RAD51B: variants seen among roughly 807,000 people sequenced by gnomAD.
RAD51B encodes RAD51 paralog B, also known as DNA repair protein RAD51 homolog 2.
RAD51B carries 38 observed loss-of-function variants against 42.2 expected under a neutral mutation model. The observed-to-expected ratio is 0.90, with a 90% CI of 0.70 to 1.18. The LOEUF is 1.18. Among genes scored for constraint, RAD51B ranks in the 50% most tolerant of loss-of-function variants. The probability of loss-of-function intolerance (pLI) is 0.00; values close to 1 mark genes in which losing one functional copy is unlikely to be tolerated. For missense variants in RAD51B, 373 were observed against 400.7 expected, an observed-to-expected ratio of 0.93 and a Z score of 0.59; for synonymous variants, 154 against 145.2, an observed-to-expected ratio of 1.06 and a Z score of -0.43.
At chr14:68,674,148 T>C (rs1029913962) in intron 11 of RAD51B, among the ~76,000 whole-genome samples, 1 of 151,502 alleles carries the variant, frequency 6.6e-6, no homozygotes, top group African/African-American at 2.4e-5. Flanking sequence ...TATACAATAC[T>C]GTACACACAT....
At chr14:68,588,111 T>G (rs11623543) in intron 10 of RAD51B, among the ~76,000 whole-genome samples, 1 of 152,014 alleles carries the variant, frequency 6.6e-6, no homozygotes, top group South Asian at 2.1e-4. Flanking sequence ...AAAGAACATA[T>G]GGGTGCGTTC....
At chr14:68,335,832 C>G (rs1215539606) in intron 8 of RAD51B, among the ~76,000 whole-genome samples, 1 of 152,072 alleles carries the variant, frequency 6.6e-6, no homozygotes, top group Non-Finnish European at 1.5e-5. Flanking sequence ...AGGCACCCAC[C>G]ATGGGTTTGG....
At chr14:68,470,407 C>CA (rs1300927433) in intron 10 of RAD51B, 2 of 441,998 alleles carry the variant, frequency 4.5e-6, no homozygotes, top group African/African-American at 4.1e-5. Context: ...TTTGGGAAAA[C>CA]AAAAAATGCA....
intron 10 of RAD51B, among the ~76,000 whole-genome samples, chr14:68,620,029 G>A (rs984806729): frequency 2.0e-5 from 3 of 152,100 alleles, no homozygotes; most frequent in African/African-American, 4.8e-5. Context: ...CCACTACCCC[G>A]GGGTTAGCCT....
intron 7 of RAD51B, among the ~76,000 whole-genome samples, chr14:67,979,469 C>T (rs1487958332): frequency 6.6e-6 from 1 of 152,140 alleles, no homozygotes; most frequent in East Asian, 1.9e-4. Flanking sequence ...CCTGATTTTC[C>T]TAATATTAGT....
intron 7 of RAD51B, among the ~76,000 whole-genome samples, chr14:68,158,701 A>C (rs1450454203): frequency 2.6e-5 from 4 of 152,216 alleles, no homozygotes; most frequent in Non-Finnish European, 5.9e-5. Context: ...ATCGTAATGA[A>C]AGAACACGGG....
chr14:67,978,389 AGTTAATCCCTCCAGCCTCTGC>A (rs35198430), intron 7 of RAD51B, among the ~76,000 whole-genome samples: 3,066 of 152,298 alleles, frequency 0.02, 39 homozygotes, highest in Non-Finnish European at 0.031. Flanking sequence ...CTGTCACCTC[AGTTAATCCCTCCAGCCTCTGC>A]GTTTTTTCCT....
intron 9 of RAD51B, among the ~76,000 whole-genome samples, chr14:68,445,883 T>C (rs2085408597): frequency 6.6e-6 from 1 of 152,168 alleles, no homozygotes; most frequent in Non-Finnish European, 1.5e-5. Context: ...TGGAAACAAA[T>C]GTGGTGTTGG....
intron 10 of RAD51B, among the ~76,000 whole-genome samples, chr14:68,531,039 G>T (rs1244310820): frequency 6.6e-6 from 1 of 151,908 alleles, no homozygotes; most frequent in East Asian, 1.9e-4. Flanking sequence ...AATTAAATGT[G>T]TATGGTAAAA....
At chr14:68,129,704 C>T (rs974707373) in intron 7 of RAD51B, among the ~76,000 whole-genome samples, 29 of 152,188 alleles carry the variant, frequency 1.9e-4, no homozygotes, top group Non-Finnish European at 3.7e-4. Context: ...GTAAAGGTTG[C>T]CTGTGCCTAC....
At chr14:67,824,650 T>A (rs2040750100) in intron 2 of RAD51B, among the ~76,000 whole-genome samples, 1 of 152,198 alleles carries the variant, frequency 6.6e-6, no homozygotes, top group South Asian at 2.1e-4. Context: ...GGTTCCTTTG[T>A]TATACATTTA....
chr14:68,080,855 C>T (rs941720602), intron 7 of RAD51B, among the ~76,000 whole-genome samples: 3 of 152,132 alleles, frequency 2.0e-5, no homozygotes, highest in Non-Finnish European at 4.4e-5. Flanking sequence ...AAACTATTAA[C>T]AGTTAAATTT....
At position 68,565,950 on chromosome 14, in the gene RAD51B, G is replaced by A. The variant is rs537820987; in HGVS notation, c.1037-28535G>A. 8.1e-4 allele frequency among the ~76,000 whole-genome samples: 123 copies of A among 152,302 alleles called. No homozygotes were observed. Among genetic ancestry groups the A allele is most frequent in the Non-Finnish European group, 1.6e-3 (106 of 68,024 alleles). The stretch of plus-strand genomic sequence containing the variant: ...ACAAGCCACTCTTGCTGAAGGAAGT[G>A]TGTCTGCTTTTATACCTTGGGTATG... On this transcript the variant is annotated intron_variant, in intron 10 of 10. Transcript: ENST00000487270. The surrounding 1 kb of genome is among the most constrained non-coding windows in gnomAD (Gnocchi z 4.1).
chr14:68,123,807 C>G (rs1430367237), intron 7 of RAD51B, among the ~76,000 whole-genome samples: 1 of 151,952 alleles, frequency 6.6e-6, no homozygotes, highest in Admixed American at 6.6e-5. Flanking sequence ...GACTCCGTCT[C>G]AAAAAAACAA....
chr14:68,171,764 TGGGGC>T (rs1566702587), intron 7 of RAD51B, among the ~76,000 whole-genome samples: 1 of 151,696 alleles, frequency 6.6e-6, no homozygotes, highest in Non-Finnish European at 1.5e-5. Context: ...TGGAGTGCAA[TGGGGC>T]GATCTCGGTT....
At chr14:68,423,796 G>T (rs1180009748) in intron 9 of RAD51B, among the ~76,000 whole-genome samples, 1 of 152,216 alleles carries the variant, frequency 6.6e-6, no homozygotes. Context: ...TGCTTTGAGA[G>T]AGCTTTTTCG....
chr14:68,483,081 G>A (rs1204410164), downstream of RAD51B, among the ~76,000 whole-genome samples: 2 of 152,112 alleles, frequency 1.3e-5, no homozygotes, highest in East Asian at 3.8e-4. Flanking sequence ...ATTGAGCACT[G>A]ATAATTAAGT....
At position 67,991,207 on chromosome 14, in the gene RAD51B, G is replaced by A. The variant is rs545225361; in HGVS notation, c.756+104003G>A. The stretch of plus-strand genomic sequence containing the variant: ...GCAGGAAGATGGAGGAGAGAAAGCA[G>A]ATCACAGACCCTAAACATCTGTAGG... On this transcript the variant is annotated intron_variant, in intron 7 of 10. Transcript: ENST00000471583. Among the ~76,000 whole-genome samples the A allele has an allele frequency of 2.6e-5, 4 of 152,286 alleles. No individual in the cohort carries two copies. The South Asian group carries it at 8.3e-4, about 32-fold the overall frequency.
intron 8 of RAD51B, among the ~76,000 whole-genome samples, chr14:68,341,373 AG>A (rs1009969936): frequency 2.6e-5 from 4 of 152,222 alleles, no homozygotes; most frequent in African/African-American, 9.6e-5. Context: ...TAAAGTGGTC[AG>A]GGTTTTCATA....
Sources: allele counts gnomAD v4.1 joint callset (sites outside exome capture counted in the v4.1 genomes callset), GRCh38; gene constraint gnomAD v4.1.1; non-coding constraint Gnocchi (gnomAD v3.1); transcripts MANE v1.5; gene names NCBI Gene and HGNC (gene_info 2026-07-23, HGNC 2026-07-21).